The following PLCXD1 variants were observed in gnomAD, a reference collection of about 807,000 sequenced individuals.
PLCXD1 encodes phosphatidylinositol specific phospholipase C X domain containing 1, also known as PI-PLC X domain-containing protein 1.
Under a neutral mutation model 37.8 loss-of-function variants are expected in PLCXD1, and 45 were observed. The observed-to-expected ratio is 1.19, with a 90% CI of 0.94 to 1.53. The LOEUF is 1.53. Among genes scored for constraint, PLCXD1 ranks in the 40% most tolerant of loss-of-function variants. The pLI is 0.00. For missense variants in PLCXD1, 539 were observed against 454.7 expected (o/e 1.19, Z -1.69); for synonymous variants, 246 against 206.9 (o/e 1.19, Z -1.62).
chrX:298,827 C>A (rs28739321), intron 6 of PLCXD1, among the ~76,000 whole-genome samples: 15,937 of 78,310 alleles, frequency 0.2, 2,743 homozygotes, highest in East Asian at 0.37. Flanking sequence ...ATCTTTGGGG[C>A]CATTATTCTG....
chrX:294,063 G>A (rs1261842611), intron 6 of PLCXD1, among the ~76,000 whole-genome samples: 1 of 152,140 alleles, frequency 6.6e-6, no homozygotes, highest in Admixed American at 6.5e-5. Context: ...TCAGCCAGGT[G>A]CGGTGGCTCA....
chrX:287,777 A>G (rs1460681007), intron 2 of PLCXD1, among the ~76,000 whole-genome samples: 2 of 149,286 alleles, frequency 1.3e-5, no homozygotes, highest in South Asian at 2.1e-4. Flanking sequence ...ATTTATATCT[A>G]TATTTAAGAA....
In PLCXD1 at chrX:301,498, T is replaced by A. The variant is rs1177089259; in HGVS notation, c.*2163T>A. The A allele has an allele frequency of 6.6e-6, 1 of 151,500 alleles. No homozygotes were observed. Among genetic ancestry groups the A allele is most frequent in the Non-Finnish European group, 1.5e-5 (1 of 67,954 alleles). The allele number at this position is 151,500 out of a possible 1,614,324, so 9.4% of individuals were successfully genotyped here. On this transcript the variant is annotated 3_prime_UTR_variant, in exon 7 of 7. Transcript: ENST00000381657. ...CTCTGTTGCTCAGGCTGGTGTGTAG[T>A]AGGGGCACAGTCATAGCTCACTGTA...
intron 3 of PLCXD1, among the ~76,000 whole-genome samples, chrX:289,302 T>C (rs1445251290): frequency 6.6e-6 from 1 of 152,048 alleles, no homozygotes; most frequent in Non-Finnish European, 1.5e-5. Flanking sequence ...TTAGTCAGGA[T>C]GGTCTTGATC....
chrX:291,083 C>T (rs1480519704), intron 4 of PLCXD1, among the ~76,000 whole-genome samples: 3 of 151,714 alleles, frequency 2.0e-5, no homozygotes, highest in Non-Finnish European at 2.9e-5. Flanking sequence ...GGAAGGGTGA[C>T]GTCACCTATA....
upstream of PLCXD1, among the ~76,000 whole-genome samples, chrX:277,963 T>C (rs76725528): frequency 8.6e-3 from 127 of 14,702 alleles, 2 homozygotes; most frequent in African/African-American, 0.021. Context: ...GGTGTGGGGA[T>C]AGGAGGGGAC....
chrX:288,205 C>G (rs1328735204), intron 2 of PLCXD1, among the ~76,000 whole-genome samples: 4 of 152,212 alleles, frequency 2.6e-5, no homozygotes, highest in African/African-American at 7.2e-5. Flanking sequence ...GACCCTATTT[C>G]CAAACAGGAT....
intron 2 of PLCXD1, among the ~76,000 whole-genome samples, chrX:287,530 C>G (rs1434145564): frequency 9.7e-6 from 1 of 103,618 alleles, no homozygotes; most frequent in Non-Finnish European, 1.7e-5. Context: ...GATATAGATA[C>G]TATATATGTT....
rs1260572554 is a variant in PLCXD1 at position 301,184 on chromosome X, T to A, written c.*1849T>A. 1 of 152,174 alleles carries A rather than the reference T, an allele frequency of 6.6e-6. No homozygotes were observed. Among genetic ancestry groups the A allele is most frequent in the East Asian group, 1.9e-4 (1 of 5,196 alleles). The allele number at this position is 152,174 out of a possible 1,614,324, so 9.4% of individuals were successfully genotyped here. A position where few individuals can be genotyped will look rare whatever the true frequency, so the allele number is the denominator to read the frequency against. ...CACCCCCACTGCTGGCTAATTTTTG[T>A]ATTTTTGGTAGAGTCAGGGTTTCAC... On this transcript the variant is annotated 3_prime_UTR_variant, in exon 7 of 7. Transcript: ENST00000381657.
intron 2 of PLCXD1, among the ~76,000 whole-genome samples, chrX:285,520 T>A (rs1245648015): frequency 6.6e-6 from 1 of 151,408 alleles, no homozygotes; most frequent in Non-Finnish European, 1.5e-5. Flanking sequence ...TGTATACACG[T>A]GTACACACGT....
Position 288,772 on chromosome X carries a change from C to G in PLCXD1, c.167C>G (p.Ser56Cys). ...ATGACGTACTGCCTGAACAAGAAGTCCCCCATTTCGCACGAGGAGTCCCGG... is the reference window on the plus strand; with the variant it reads ...ATGACGTACTGCCTGAACAAGAAGTGCCCCATTTCGCACGAGGAGTCCCGG... Reference protein sequence around the residue: ...DTMTYCLNKKSPISHEESRLL... With the variant: ...DTMTYCLNKKCPISHEESRLL... The change falls in exon 3 of 7, where the codon TCC (serine) becomes TGC (cysteine). Residue 56 changes from serine (S) to cysteine (C), a missense_variant. Coordinates refer to ENST00000381657, the MANE Select transcript of PLCXD1 (RefSeq NM_018390.4). 6.2e-7 allele frequency: 1 copy of G among 1,613,702 alleles called. No individual in the cohort carries two copies. Among genetic ancestry groups the G allele is most frequent in the Non-Finnish European group, 8.5e-7 (1 of 1,179,600 alleles).
At position 299,487 on chromosome X, in the gene PLCXD1, G is replaced by A. The variant is rs147547750; in HGVS notation, c.*152G>A. ...TAAAATAGAGATGGGGTGGCTGGGC[G>A]TGGTGACTTCGCCTGTCTTCCCAGC... On this transcript the variant is annotated 3_prime_UTR_variant, in exon 7 of 7. Transcript: ENST00000381657. 1.0e-3 allele frequency: 695 copies of A among 679,348 alleles called. 1 individual carries two copies. The highest frequency in any genetic ancestry group is 7.1e-3 in the African/African-American group (399 of 56,258). The allele number at this position is 679,348 out of a possible 1,614,324, so 42.1% of individuals were successfully genotyped here.
chrX:279,742 C>A (rs968951472), upstream of PLCXD1, among the ~76,000 whole-genome samples: 8 of 149,342 alleles, frequency 5.4e-5, no homozygotes, highest in Non-Finnish European at 1.0e-4. Flanking sequence ...ACACTGCACA[C>A]CAGTCTGCGC....
Position 293,197 on chromosome X carries a change from A to T in PLCXD1, c.712A>T (p.Met238Leu). The change falls in exon 6 of 7, where the codon ATG (methionine) becomes TTG (leucine). Residue 238 changes from methionine to leucine, a missense_variant. Coordinates refer to ENST00000381657, the MANE Select transcript of PLCXD1 (RefSeq NM_018390.4). ...GGCCCTCATCCGATACCTGGAGACCATGAAGAGCTGCGGCCGCCCAGGTAC... is the reference window on the plus strand; with the variant it reads ...GGCCCTCATCCGATACCTGGAGACCTTGAAGAGCTGCGGCCGCCCAGGTAC... ...TEALIRYLET[M>L]KSCGRPGGLF... The T allele has an allele frequency of 6.2e-7, 1 of 1,611,176 alleles. No homozygotes were observed. Among genetic ancestry groups the T allele is most frequent in the East Asian group, 2.2e-5 (1 of 44,844 alleles).
intron 3 of PLCXD1, among the ~76,000 whole-genome samples, chrX:290,221 A>T (rs145445416): frequency 0.012 from 1,780 of 152,120 alleles, 33 homozygotes; most frequent in African/African-American, 0.038. Flanking sequence ...AGGTCAGGAG[A>T]TCGAGACCGT....
At chrX:289,200 G>T (rs147226507) in intron 3 of PLCXD1, among the ~76,000 whole-genome samples, 1 of 152,086 alleles carries the variant, frequency 6.6e-6, no homozygotes, top group Non-Finnish European at 1.5e-5. Flanking sequence ...CGATTCTCCT[G>T]CCTCATCCTC....
chrX:284,129 C>T (rs2069367136), intron 1 of PLCXD1, 38 bp from the exon 2 acceptor site: 13 of 1,573,308 alleles, frequency 8.3e-6, no homozygotes, highest in Non-Finnish European at 1.1e-5. Context: ...GACCTGAAGT[C>T]ACCGTAAAAA....
At chrX:294,484 A>G in intron 6 of PLCXD1, among the ~76,000 whole-genome samples, 1 of 149,794 alleles carries the variant, frequency 6.7e-6, no homozygotes, top group Non-Finnish European at 1.5e-5. Flanking sequence ...TCTGTCTCAA[A>G]AAAAAAAAAA....
In PLCXD1 at chrX:288,836, G is replaced by A. The variant is rs1238495623; in HGVS notation, c.231G>A (p.Thr77=). 5.6e-6 allele frequency: 9 copies of A among 1,613,472 alleles called. No homozygotes were observed. The highest frequency in any genetic ancestry group is 1.8e-4 in the Middle Eastern group (1 of 5,710). Residue 77 remains threonine, a synonymous_variant, in exon 3 of 7, where the codon ACG becomes ACA. Transcript: ENST00000381657. ...TGAACAAGGCCTTGCCCTGCATCAC[G>A]CGCCCTGTCGTGCTGAAATGGTCCG... ...QLLNKALPCI[T]RPVVLKWSVT...
Sources: gnomAD v4.1 joint callset for allele counts (sites outside exome capture counted in the v4.1 genomes callset) on GRCh38, gnomAD v4.1.1 for gene constraint, MANE v1.5 for transcripts, NCBI Gene and HGNC (gene_info 2026-07-23, HGNC 2026-07-21) for gene names.